COL6A5: variants seen among roughly 807,000 people sequenced by gnomAD.
COL6A5 encodes collagen alpha-5(VI) chain.
In COL6A5, 48 loss-of-function variants were observed where a neutral mutation model predicts 65.6. The ratio of observed to expected loss-of-function variants is 0.73; its 90% CI spans 0.58 to 0.93. COL6A5 has a LOEUF of 0.93. Among genes scored for constraint, COL6A5 ranks in the 40% least tolerant of loss-of-function variants. COL6A5 has a pLI of 0.00. For synonymous variants in COL6A5, 291 were observed against 322.8 expected (o/e 0.90, Z 1.05); for missense variants, 914 against 928.3 (o/e 0.98, Z 0.20).
At chr3:130,472,511 T>C (rs377565735) in intron 7 of COL6A5, among the ~76,000 whole-genome samples, 7 of 152,154 alleles carry the variant, frequency 4.6e-5, no homozygotes, top group East Asian at 1.9e-4. Flanking sequence ...AGGGCAGCGA[T>C]TCACAGTCCT....
chr3:130,449,850 C>T (rs529404662), intron 4 of COL6A5, among the ~76,000 whole-genome samples: 7 of 152,186 alleles, frequency 4.6e-5, no homozygotes, highest in Admixed American at 1.3e-4. Context: ...ATCTCATCAA[C>T]GGAATCAGAA....
chr3:130,449,574 G>A (rs1302045232), intron 4 of COL6A5, among the ~76,000 whole-genome samples: 1 of 152,058 alleles, frequency 6.6e-6, no homozygotes, highest in Non-Finnish European at 1.5e-5. Context: ...CAAGAGGAAG[G>A]CCATAAACTA....
chr3:130,410,497 A>T (rs755001188), exon 20 of COL6A5: 2 of 1,550,994 alleles, frequency 1.3e-6, no homozygotes, highest in Non-Finnish European at 1.7e-6. Flanking sequence ...AAGGGGTGCA[A>T]GGCAGTCCTA....
At chr3:130,385,028 A>G in exon 5 of COL6A5, 1 of 1,550,870 alleles carries the variant, frequency 6.4e-7, no homozygotes, top group Non-Finnish European at 8.7e-7. Context: ...AAGAAAGGCT[A>G]TTTTTAACAT....
chr3:130,431,836 G>A (rs1937827480), exon 1 of COL6A5: 4 of 1,551,600 alleles, frequency 2.6e-6, no homozygotes, highest in Non-Finnish European at 1.7e-6. Flanking sequence ...TTTTAGCAAT[G>A]GTCAAACAGC....
rs368684798 is a variant in COL6A5, at chr3:130,356,686, AAATAAAACAACTCC to A, written c.-29+10717_-29+10730del. Among the ~76,000 whole-genome samples, 164 of 152,304 alleles carry A rather than the reference AAATAAAACAACTCC, an allele frequency of 1.1e-3. 1 individual carries two copies. The highest frequency in any genetic ancestry group is 3.9e-3 in the African/African-American group (162 of 41,568). ...ATAAAAGAGCTACATTCACACTGAA[AAATAAAACAACTCC>A]AATAAAACAACCAAATCAAAATGGA... is the stretch of plus-strand genomic sequence containing the variant. On this transcript the variant is annotated intron_variant and NMD_transcript_variant, in intron 1 of 41. Coordinates refer to the COL6A5 transcript ENST00000312481.
chr3:130,433,037 G>C (rs1320894338), intron 1 of COL6A5, among the ~76,000 whole-genome samples: 1 of 152,018 alleles, frequency 6.6e-6, no homozygotes, highest in Non-Finnish European at 1.5e-5. Context: ...TATAAAAAAT[G>C]TACAATTTCT....
intron 1 of COL6A5, among the ~76,000 whole-genome samples, chr3:130,371,939 A>G (rs1263877623): frequency 6.6e-6 from 1 of 152,176 alleles, no homozygotes; most frequent in Non-Finnish European, 1.5e-5. Flanking sequence ...TCTGCTAAGC[A>G]TGTAGTATTC....
chr3:130,455,892 C>G (rs1709560493), intron 5 of COL6A5, among the ~76,000 whole-genome samples: 1 of 152,096 alleles, frequency 6.6e-6, no homozygotes, highest in Non-Finnish European at 1.5e-5. Flanking sequence ...CCCTGATATT[C>G]TTACCAAGCT....
chr3:130,419,538 A>C (rs1937464041), intron 25 of COL6A5, among the ~76,000 whole-genome samples: 2 of 152,314 alleles, frequency 1.3e-5, no homozygotes, highest in African/African-American at 4.8e-5. Flanking sequence ...GGATGAATGG[A>C]TAAAGAAAAT....
At chr3:130,448,376 C>T (rs1709354008) in intron 4 of COL6A5, among the ~76,000 whole-genome samples, 1 of 152,122 alleles carries the variant, frequency 6.6e-6, no homozygotes, top group South Asian at 2.1e-4. Context: ...CTCCCAGCAG[C>T]ATAGAGAACA....
chr3:130,403,478 C>T (rs996885060), intron 12 of COL6A5, 131 bp from the exon 13 acceptor site: 2 of 705,418 alleles, frequency 2.8e-6, no homozygotes, highest in Non-Finnish European at 4.9e-6. Context: ...TCTCCCCAAA[C>T]TCACGGCCAC....
intron 1 of COL6A5, among the ~76,000 whole-genome samples, chr3:130,346,738 A>C (rs1934492004): frequency 6.6e-6 from 1 of 152,218 alleles, no homozygotes; most frequent in Non-Finnish European, 1.5e-5. Context: ...TGCTTCATAC[A>C]TCACATTTAT....
At chr3:130,477,491 T>G (rs1710128954) in intron 7 of COL6A5, among the ~76,000 whole-genome samples, 2 of 152,112 alleles carry the variant, frequency 1.3e-5, no homozygotes, top group Non-Finnish European at 2.9e-5. Flanking sequence ...TTTCAAGAAT[T>G]TAATGTAGAT....
At chr3:130,469,627 A>G in intron 6 of COL6A5, 146 bp downstream of exon 38, 1 of 722,730 alleles carries the variant, frequency 1.4e-6, no homozygotes, top group Non-Finnish European at 2.2e-6. Context: ...AATCTCAGAG[A>G]AAATTCCCAG....
At chr3:130,377,264 A>C (rs1935821512) in intron 3 of COL6A5, among the ~76,000 whole-genome samples, 1 of 152,154 alleles carries the variant, frequency 6.6e-6, no homozygotes, top group South Asian at 2.1e-4. Flanking sequence ...TTGACAACTT[A>C]TCTCTCTGTC....
At position 130,376,279 on chromosome 3, in the gene COL6A5, G is replaced by A. The variant is rs1935765172; in HGVS notation, c.110G>A (p.Ser37Asn). Reference sequence around the variant, plus strand: ...GCAGATGTCGTGTTTCTGGTGGACAGCTCCGATCACCTGGGACCTAAGTCA... The same window carrying A: ...GCAGATGTCGTGTTTCTGGTGGACAACTCCGATCACCTGGGACCTAAGTCA... Residue 37 changes from serine to asparagine, a missense_variant and NMD_transcript_variant, in exon 3 of 42, where the codon AGC becomes AAC. Coordinates refer to the COL6A5 transcript ENST00000312481. 6.2e-7 allele frequency: 1 copy of A among 1,612,046 alleles called. No individual in the cohort carries two copies. Among genetic ancestry groups the A allele is most frequent in the African/African-American group, 1.3e-5 (1 of 75,006 alleles).
chr3:130,415,331 G>T (rs1222319298), intron 22 of COL6A5, among the ~76,000 whole-genome samples: 1 of 152,028 alleles, frequency 6.6e-6, no homozygotes, highest in Non-Finnish European at 1.5e-5. Flanking sequence ...CCCTTTAAAG[G>T]AATTCATCTG....
chr3:130,440,395 C>T, exon 3 of COL6A5: 1 of 1,613,504 alleles, frequency 6.2e-7, no homozygotes, highest in Non-Finnish European at 8.5e-7. Context: ...GGGAAAGTTC[C>T]AGGAGAAAGA....
Sources: gnomAD v4.1 joint callset for allele counts (sites outside exome capture counted in the v4.1 genomes callset) on GRCh38, gnomAD v4.1.1 for gene constraint, MANE v1.5 for transcripts, NCBI Gene and HGNC (gene_info 2026-07-23, HGNC 2026-07-21) for gene names.